The following TOX2 variants were observed in gnomAD, a reference collection of about 807,000 sequenced individuals.
TOX2 encodes the protein TOX high mobility group box family member 2, also known as granulosa cell HMG box 1.
Under a neutral mutation model 47.4 loss-of-function variants are expected in TOX2, and 15 were observed. The observed-to-expected ratio is 0.32, with a 90% confidence interval of 0.21 to 0.49. The LOEUF is 0.49. Among genes scored for constraint, TOX2 ranks in the 20% least tolerant of loss-of-function variants. The pLI is 0.99. For synonymous variants in TOX2, 290 were observed against 296.6 expected, an observed-to-expected ratio of 0.98 and a Z score of 0.23; for missense variants, 622 against 673.1, an observed-to-expected ratio of 0.92 and a Z score of 0.84.
chr20:44,051,893 C>T (rs1360104433), intron 4 of TOX2, among the ~76,000 whole-genome samples: 1 of 152,168 alleles, frequency 6.6e-6, no homozygotes, highest in Admixed American at 6.5e-5. Context: ...TGTGTTCCCT[C>T]GGGGCTCCCA....
intron 3 of TOX2, among the ~76,000 whole-genome samples, chr20:44,031,057 A>G (rs1038739136): frequency 6.6e-5 from 10 of 152,178 alleles, no homozygotes; most frequent in African/African-American, 2.4e-4. Flanking sequence ...CTGCTGAGTT[A>G]TGGAGACAAG....
chr20:44,006,252 G>A (rs1216811983), intron 2 of TOX2, among the ~76,000 whole-genome samples: 2 of 152,164 alleles, frequency 1.3e-5, no homozygotes, highest in African/African-American at 4.8e-5. Context: ...GGACTGTGAT[G>A]GCCAGATCTG....
At chr20:44,053,439 TACACACACAC>T (rs111951284) in intron 4 of TOX2, among the ~76,000 whole-genome samples, 1,515 of 143,142 alleles carry the variant, frequency 0.011, 22 homozygotes, top group African/African-American at 0.032. Context: ...GGCAGATATA[TACACACACAC>T]ACACACACAC....
rs28599678 is a variant in TOX2, at chr20:44,035,730, T to C, written c.412-15576T>C. 7.1e-3 allele frequency among the ~76,000 whole-genome samples: 1,086 copies of C among 152,274 alleles called. 13 individuals carry two copies. Among genetic ancestry groups the C allele is most frequent in the African/African-American group, 0.025 (1,031 of 41,554 alleles). ...GCCAGGGAGATGCAGAGAGCTTGAA[T>C]GTGCTGGGTAATGGGGTAATATGGG... On this transcript the variant is annotated intron_variant, in intron 3 of 8. Coordinates refer to ENST00000341197, the MANE Select transcript of TOX2 (RefSeq NM_001098797.2).
chr20:44,049,049 A>C (rs2071463697), intron 3 of TOX2, among the ~76,000 whole-genome samples: 1 of 152,252 alleles, frequency 6.6e-6, no homozygotes, highest in African/African-American at 2.4e-5. Context: ...CAGAGGTTGC[A>C]GTGAGCCAAG....
At chr20:43,935,472 A>C (rs771353558) in intron 1 of TOX2, among the ~76,000 whole-genome samples, 14 of 152,200 alleles carry the variant, frequency 9.2e-5, no homozygotes, top group Non-Finnish European at 2.1e-4. Context: ...TGTTCAGTGA[A>C]TACCTACTAT....
intron 1 of TOX2, among the ~76,000 whole-genome samples, chr20:43,941,432 G>A (rs1242309159): frequency 6.6e-6 from 1 of 151,196 alleles, no homozygotes; most frequent in Non-Finnish European, 1.5e-5. Context: ...TCCCAGGATC[G>A]AGTGATGCTC....
In TOX2 at chr20:43,916,082, TC is replaced by T; in HGVS notation, c.99+1093del. 1 of 975,572 alleles carries T rather than the reference TC, an allele frequency of 1.0e-6. No individual in the cohort carries two copies. The highest frequency in any genetic ancestry group is 1.2e-6 in the Non-Finnish European group (1 of 820,942). The allele number at this position is 975,572 out of a possible 1,614,324, so 60.4% of individuals were successfully genotyped here. A position where few individuals can be genotyped will look rare whatever the true frequency, so the allele number is the denominator to read the frequency against. Reference sequence around the variant, plus strand: ...GCCAGACTGTCCGCGCGTCCGCCAGTCGGTGCGTCGGTCCCGGGCCGGCTGG... The same window carrying T: ...GCCAGACTGTCCGCGCGTCCGCCAGTGGTGCGTCGGTCCCGGGCCGGCTGG... On this transcript the variant is annotated intron_variant, in intron 1 of 8. Coordinates refer to ENST00000341197, the MANE Select transcript of TOX2 (RefSeq NM_001098797.2). This position sits in a 1 kb window ranked among gnomAD's most constrained non-coding sequence, Gnocchi z 5.0.
intron 3 of TOX2, among the ~76,000 whole-genome samples, chr20:44,014,779 A>G (rs1199251238): frequency 6.6e-6 from 1 of 152,240 alleles, no homozygotes; most frequent in East Asian, 1.9e-4. Flanking sequence ...GGGTGGCTTC[A>G]GCCTCGTCTC....
At chr20:43,961,338 G>C (rs1046527598) in intron 1 of TOX2, among the ~76,000 whole-genome samples, 1 of 152,200 alleles carries the variant, frequency 6.6e-6, no homozygotes. Context: ...GGATGGGCGC[G>C]TGATGGGTGG....
intron 3 of TOX2, among the ~76,000 whole-genome samples, chr20:44,042,311 G>A (rs2071345726): frequency 6.6e-6 from 1 of 152,186 alleles, no homozygotes; most frequent in Non-Finnish European, 1.5e-5. Flanking sequence ...CACAACATGT[G>A]GGAATTACAG....
chr20:43,965,452 C>G (rs1200160163), intron 1 of TOX2, among the ~76,000 whole-genome samples: 1 of 152,222 alleles, frequency 6.6e-6, no homozygotes, highest in Non-Finnish European at 1.5e-5. Flanking sequence ...CATCATCATT[C>G]TGGCATGCCT....
chr20:44,008,315 C>G (rs1469290251), intron 3 of TOX2, among the ~76,000 whole-genome samples: 1 of 152,018 alleles, frequency 6.6e-6, no homozygotes, highest in East Asian at 1.9e-4. Context: ...AATCCCAGCA[C>G]TTTGGGAGGC....
chr20:43,982,920 G>A (rs918051080), intron 2 of TOX2, among the ~76,000 whole-genome samples: 1 of 151,676 alleles, frequency 6.6e-6, no homozygotes, highest in Non-Finnish European at 1.5e-5. Context: ...GGGAAATAGG[G>A]TACTTTGTTC....
chr20:44,058,223 T>C (rs1337961799), intron 5 of TOX2, among the ~76,000 whole-genome samples: 4 of 152,212 alleles, frequency 2.6e-5, no homozygotes, highest in African/African-American at 9.7e-5. Flanking sequence ...TGGGGCAAGT[T>C]CTCAGCCCTG....
At chr20:44,031,353 G>A (rs1205538084) in intron 3 of TOX2, among the ~76,000 whole-genome samples, 1 of 152,200 alleles carries the variant, frequency 6.6e-6, no homozygotes, top group Non-Finnish European at 1.5e-5. Context: ...CCCGTTCACT[G>A]GAAGGGGTGA....
At chr20:44,066,346 C>A (rs2071821651) in intron 7 of TOX2, among the ~76,000 whole-genome samples, 3 of 152,198 alleles carry the variant, frequency 2.0e-5, no homozygotes, top group African/African-American at 7.2e-5. Flanking sequence ...ACTCCAGTCC[C>A]CCCTTCCTGC....
At chr20:44,035,565 G>T (rs2071226465) in intron 3 of TOX2, among the ~76,000 whole-genome samples, 1 of 152,158 alleles carries the variant, frequency 6.6e-6, no homozygotes. Context: ...CTGTGTTCTG[G>T]TCAGCCATGT....
At chr20:44,035,990 C>T (rs192116166) in intron 3 of TOX2, among the ~76,000 whole-genome samples, 13 of 152,312 alleles carry the variant, frequency 8.5e-5, no homozygotes, top group Admixed American at 3.3e-4. Context: ...ATTGAGTCAA[C>T]GGGGCTGGGC....
Sources: gnomAD v4.1 joint callset for allele counts (sites outside exome capture counted in the v4.1 genomes callset) on GRCh38, gnomAD v4.1.1 for gene constraint, Gnocchi (gnomAD v3.1) non-coding constraint, MANE v1.5 for transcripts, NCBI Gene and HGNC (gene_info 2026-07-23, HGNC 2026-07-21) for gene names.